ANK2: variants seen among roughly 807,000 people sequenced by gnomAD.
ANK2 encodes the protein ankyrin-2.
In ANK2, 83 loss-of-function variants were observed where a neutral mutation model predicts 360.5. That is an observed-to-expected ratio of 0.23 (90% CI 0.19 to 0.28). ANK2 has a LOEUF of 0.28. Among genes scored for constraint, ANK2 ranks in the 10% least tolerant of loss-of-function variants. The pLI is 1.00. For missense variants in ANK2, 4,201 were observed against 4,795.7 expected, an observed-to-expected ratio of 0.88 and a Z score of 3.66; for synonymous variants, 1,740 against 1,759.5, an observed-to-expected ratio of 0.99 and a Z score of 0.28.
At chr4:112,752,190 A>G in the ANK2 span, among the ~76,000 whole-genome samples, 12 of 152,192 alleles carry the variant, frequency 7.9e-5, no homozygotes, top group African/African-American at 1.7e-4. Flanking sequence ...TCTTGTCCTC[A>G]CTGGATTACT....
intron 2 of ANK2, among the ~76,000 whole-genome samples, chr4:112,997,835 T>C (rs777344977): frequency 6.6e-6 from 1 of 150,860 alleles, no homozygotes; most frequent in Non-Finnish European, 1.5e-5. Flanking sequence ...TATATACAAA[T>C]GACATATATA....
At chr4:113,199,883 C>T (rs1314292182) in intron 4 of ANK2, among the ~76,000 whole-genome samples, 1 of 152,130 alleles carries the variant, frequency 6.6e-6, no homozygotes. Context: ...TTGGGATAAC[C>T]TCACCAGGTT....
chr4:112,955,627 A>G (rs2095293502), intron 2 of ANK2, among the ~76,000 whole-genome samples: 1 of 152,172 alleles, frequency 6.6e-6, no homozygotes, highest in African/African-American at 2.4e-5. Flanking sequence ...CAGAAAGCCT[A>G]ATATGATGGG....
At chr4:112,915,295 T>G (rs1368130096) in intron 2 of ANK2, among the ~76,000 whole-genome samples, 2 of 152,148 alleles carry the variant, frequency 1.3e-5, no homozygotes, top group African/African-American at 4.8e-5. Flanking sequence ...AAACGGTATT[T>G]GTGTACGTCA....
At chr4:112,826,466 A>C in intron 1 of ANK2, 5 of 1,092,722 alleles carry the variant, frequency 4.6e-6, no homozygotes, top group Non-Finnish European at 6.9e-6. Context: ...TTTGTCTTCC[A>C]TCTGTGAAAC....
At chr4:113,211,545 ACT>A (rs1449000749) in intron 4 of ANK2, among the ~76,000 whole-genome samples, 2 of 152,194 alleles carry the variant, frequency 1.3e-5, no homozygotes, top group Non-Finnish European at 2.9e-5. Flanking sequence ...TAGTGTTTTA[ACT>A]ATTTTGAAGA....
chr4:112,876,690 G>T (rs930131923), intron 1 of ANK2, among the ~76,000 whole-genome samples: 1 of 152,148 alleles, frequency 6.6e-6, no homozygotes, highest in Non-Finnish European at 1.5e-5. Context: ...TTTGCCCAAG[G>T]CCTGTTACCT....
chr4:113,126,846 A>T (rs1302762767), intron 1 of ANK2, among the ~76,000 whole-genome samples: 3 of 152,244 alleles, frequency 2.0e-5, no homozygotes, highest in Non-Finnish European at 4.4e-5. Flanking sequence ...ACCAAAATAT[A>T]AAATAAGACT....
chr4:112,991,722 C>T (rs1339851171), intron 2 of ANK2, among the ~76,000 whole-genome samples: 2 of 151,316 alleles, frequency 1.3e-5, no homozygotes, highest in Non-Finnish European at 2.9e-5. Context: ...AACTCCTTCC[C>T]TTCTCAGTTT....
intron 33 of ANK2, 66 bp downstream of exon 33, chr4:113,341,982 T>G: frequency 7.6e-7 from 1 of 1,314,144 alleles, no homozygotes. Flanking sequence ...ATAGATTACA[T>G]TTCAAATATC....
chr4:113,173,644 G>A (rs549127845), intron 1 of ANK2, among the ~76,000 whole-genome samples: 16 of 152,242 alleles, frequency 1.1e-4, no homozygotes, highest in African/African-American at 3.9e-4. Context: ...GACTTTTCAC[G>A]GGCAGAATTC....
chr4:112,767,836 A>G, the ANK2 span, among the ~76,000 whole-genome samples: 1 of 152,220 alleles, frequency 6.6e-6, no homozygotes, highest in Non-Finnish European at 1.5e-5. Context: ...TGCCTCAAAA[A>G]GGCTGGGATT....
At chr4:112,951,785 A>AG (rs2095031789) in intron 2 of ANK2, among the ~76,000 whole-genome samples, 1 of 152,234 alleles carries the variant, frequency 6.6e-6, no homozygotes, top group Non-Finnish European at 1.5e-5. Context: ...GAGGGAGCAC[A>AG]TATTTTACGA....
At chr4:113,002,456 G>A (rs887403054) in intron 2 of ANK2, among the ~76,000 whole-genome samples, 2 of 151,540 alleles carry the variant, frequency 1.3e-5, no homozygotes, top group East Asian at 1.9e-4. Flanking sequence ...GTAAACTATC[G>A]CAAGAACAAA....
At chr4:113,380,778 T>C (rs1013701390) in intron 45 of ANK2, among the ~76,000 whole-genome samples, 1 of 152,228 alleles carries the variant, frequency 6.6e-6, no homozygotes, top group Non-Finnish European at 1.5e-5. Context: ...TATGTGAGGC[T>C]TGGAGAATCC....
chr4:113,358,774 A>T lies in ANK2; in HGVS notation c.10156A>T (p.Asn3386Tyr), dbSNP rs1362306881. Residue 3386 changes from asparagine to tyrosine, a missense_variant, in exon 38 of 46, where the codon AAT (asparagine) becomes TAT (tyrosine). Physicochemically the swap from Asn to Tyr is moderately radical, Grantham distance 143. This residue lies in a region of ANK2 where 2,642 missense variants were observed against 2,714.5 expected (regional missense o/e 0.97). Transcript: ENST00000357077. ...GQDMASIAPD[N>Y]RSKSESDASS... ...GGACATGGCAAGCATCGCACCAGATAATAGAAGCAAATCTGAATCTGATGC... is the reference window on the plus strand; with the variant it reads ...GGACATGGCAAGCATCGCACCAGATTATAGAAGCAAATCTGAATCTGATGC... 2.5e-6 allele frequency: 4 copies of T among 1,614,120 alleles called. No homozygotes were observed. The highest frequency in any genetic ancestry group is 8.5e-7 in the Non-Finnish European group (1 of 1,179,972).
intron 1 of ANK2, among the ~76,000 whole-genome samples, chr4:113,070,699 A>G (rs1189071744): frequency 6.6e-6 from 1 of 152,108 alleles, no homozygotes; most frequent in East Asian, 1.9e-4. Flanking sequence ...ACCCGACATT[A>G]CATTTTCTTC....
intron 1 of ANK2, chr4:113,145,906 A>T (rs1205644528): frequency 1.3e-5 from 17 of 1,289,810 alleles, no homozygotes; most frequent in Non-Finnish European, 1.7e-5. Context: ...TGCCATGCGG[A>T]TAAGAGCATA....
intron 2 of ANK2, among the ~76,000 whole-genome samples, chr4:113,028,573 C>G (rs973005541): frequency 6.6e-6 from 1 of 152,002 alleles, no homozygotes; most frequent in Non-Finnish European, 1.5e-5. Context: ...CACAGTGGAA[C>G]AAAGGAGTAA....
Sources: gnomAD v4.1 joint callset for allele counts (sites outside exome capture counted in the v4.1 genomes callset) on GRCh38, gnomAD v4.1.1 for gene constraint, gnomAD v4.1.1 regional missense constraint, MANE v1.5 for transcripts, NCBI Gene and HGNC (gene_info 2026-07-23, HGNC 2026-07-21) for gene names.